SEC14L5: variants seen among roughly 807,000 people sequenced by gnomAD.
SEC14L5 encodes the protein SEC14 like lipid binding 5, also known as SEC14-like protein 5.
SEC14L5 carries 96 observed loss-of-function variants against 84.6 expected under a neutral mutation model. The observed-to-expected ratio is 1.13, with a 90% CI of 0.96 to 1.34. The LOEUF (loss-of-function observed/expected upper bound fraction) is 1.34. Ranked by LOEUF, SEC14L5 falls within the 40% of genes most tolerant of loss-of-function variation. The pLI, the probability that SEC14L5 is intolerant of heterozygous loss-of-function variation, is 0.00. For missense variants in SEC14L5, 1,224 were observed against 942.5 expected, an observed-to-expected ratio of 1.30 and a Z score of -3.91; for synonymous variants, 546 against 383.4, an observed-to-expected ratio of 1.42 and a Z score of -4.95.
At chr16:4,980,870 T>A (rs916386942) in intron 2 of SEC14L5, among the ~76,000 whole-genome samples, 7 of 152,094 alleles carry the variant, frequency 4.6e-5, no homozygotes, top group African/African-American at 1.4e-4. Context: ...AAGCCCCATG[T>A]CTCATGCCTC....
Position 4,996,340 on chromosome 16 carries a change from C to G in SEC14L5, c.668-8C>G. 6.6e-7 allele frequency: 1 copy of G among 1,518,772 alleles called. No individual in the cohort carries two copies. The highest frequency in any genetic ancestry group is 9.0e-7 in the Non-Finnish European group (1 of 1,116,718). The allele number at this position is 1,518,772 out of a possible 1,614,324, so 94.1% of individuals were successfully genotyped here. On this transcript the variant is annotated splice_polypyrimidine_tract_variant and splice_region_variant and intron_variant, in intron 6 of 15. Coordinates refer to ENST00000251170, the MANE Select transcript of SEC14L5 (RefSeq NM_014692.2). ...CTCTTGTCCTGAAGCTCCCCCTTCT[C>G]CTCCAAGGGGACAAGCTGGATGCGG...
chr16:4,959,760 C>A (rs1033646820), intron 2 of SEC14L5, among the ~76,000 whole-genome samples: 12 of 152,168 alleles, frequency 7.9e-5, no homozygotes, highest in African/African-American at 2.9e-4. Flanking sequence ...TGAATGTTTA[C>A]AGCACTGTCT....
intron 2 of SEC14L5, among the ~76,000 whole-genome samples, chr16:4,970,792 A>G (rs1483336392): frequency 2.6e-5 from 4 of 152,292 alleles, no homozygotes; most frequent in African/African-American, 9.6e-5. Context: ...AGTACATCCA[A>G]GTGTGCAGAA....
chr16:4,975,266 A>T (rs545790377), intron 2 of SEC14L5, among the ~76,000 whole-genome samples: 1 of 151,936 alleles, frequency 6.6e-6, no homozygotes, highest in South Asian at 2.1e-4. Flanking sequence ...AGGTCAGGAG[A>T]TCAAGACCAT....
chr16:4,959,855 G>A (rs1163078431), intron 2 of SEC14L5, among the ~76,000 whole-genome samples: 1 of 152,156 alleles, frequency 6.6e-6, no homozygotes, highest in African/African-American at 2.4e-5. Flanking sequence ...CAGGTGAAGG[G>A]ATGACACTAA....
chr16:4,992,413 G>A (rs562893560), intron 6 of SEC14L5, among the ~76,000 whole-genome samples: 19 of 152,166 alleles, frequency 1.2e-4, no homozygotes, highest in African/African-American at 4.3e-4. Context: ...ACCACACCCG[G>A]CCAATTTTTT....
chr16:5,011,189 A>C lies in SEC14L5; in HGVS notation c.1895A>C (p.Asp632Ala). The C allele has an allele frequency of 6.2e-7, 1 of 1,613,748 alleles. No homozygotes were observed. Among genetic ancestry groups the C allele is most frequent in the East Asian group, 2.2e-5 (1 of 44,882 alleles). ...SSVACSLPGV[D>A]DVLTALHSPG... ...GTGGCCTGCAGCCTCCCGGGTGTGGACGATGTCCTGACGGCTCTGCACAGC... is the reference window on the plus strand; with the variant it reads ...GTGGCCTGCAGCCTCCCGGGTGTGGCCGATGTCCTGACGGCTCTGCACAGC... Residue 632 changes from aspartate (D) to alanine (A), a missense_variant, in exon 15 of 16, where the codon GAC (aspartate) becomes GCC (alanine). Transcript: ENST00000251170.
At chr16:4,968,009 C>CT (rs1313299052) in intron 2 of SEC14L5, among the ~76,000 whole-genome samples, 2 of 137,116 alleles carry the variant, frequency 1.5e-5, no homozygotes, top group African/African-American at 5.4e-5. Context: ...TTCTCCCTCT[C>CT]TATTTTATTT....
In SEC14L5 at chr16:5,006,522, C is replaced by A. The variant is rs145984876; in HGVS notation, c.1437+474C>A. The stretch of plus-strand genomic sequence containing the variant: ...CCCTTCAAGGGAGGCAGTGTCCAGG[C>A]CCCTTTTATTGCCTCCCCTGGGGTG... On this transcript the variant is annotated intron_variant, in intron 12 of 15. Transcript: ENST00000251170. Among the ~76,000 whole-genome samples, 395 of 152,266 alleles carry A rather than the reference C, an allele frequency of 2.6e-3. 4 individuals are homozygous for A. The East Asian group carries it at 0.036, about 14-fold the overall frequency.
intron 14 of SEC14L5, among the ~76,000 whole-genome samples, chr16:5,009,367 G>T (rs908183300): frequency 7.2e-5 from 11 of 152,044 alleles, no homozygotes; most frequent in Admixed American, 6.6e-4. Flanking sequence ...ACTTTTGCGG[G>T]ACTGGGAATG....
At chr16:4,976,429 A>T (rs1955340510) in intron 2 of SEC14L5, among the ~76,000 whole-genome samples, 1 of 152,216 alleles carries the variant, frequency 6.6e-6, no homozygotes, top group Non-Finnish European at 1.5e-5. Context: ...AAATTCAGGG[A>T]TATCAGCGGC....
Position 5,003,526 on chromosome 16 carries a change from C to A in SEC14L5, c.1255C>A (p.Leu419Met). The change falls in exon 11 of 16, where the codon CTG (leucine) becomes ATG (methionine). Residue 419 changes from leucine (L) to methionine (M), a missense_variant. By Grantham distance (15) the Leu-to-Met change is conservative (BLOSUM62 2). Transcript: ENST00000251170. ...EDNYPETLGRLLIVRAPRVFP... is the reference protein window; with the variant it reads ...EDNYPETLGRMLIVRAPRVFP... The stretch of plus-strand genomic sequence containing the variant: ...CAATTACCCAGAGACCCTGGGTCGG[C>A]TGCTCATCGTGCGAGCCCCCCGAGT... The A allele has an allele frequency of 2.5e-6, 4 of 1,576,580 alleles. No individual in the cohort carries two copies. The highest frequency in any genetic ancestry group is 3.5e-6 in the Non-Finnish European group (4 of 1,158,082).
Position 5,000,866 on chromosome 16 carries a change from C to T in SEC14L5, c.1071C>T (p.Val357=). 6.2e-7 allele frequency: 1 copy of T among 1,606,328 alleles called. No homozygotes were observed. Among genetic ancestry groups the T allele is most frequent in the Non-Finnish European group, 8.5e-7 (1 of 1,176,514 alleles). The part of the protein sequence containing the change: ...EEALLRHVLS[V]NEEGQKRCEG... ...TCTCTCCCTTCCAGGTTCTCTCCGT[C>T]AACGAGGAAGGACAGAAGCGGTGTG... is the stretch of plus-strand genomic sequence containing the variant. The change falls in exon 10 of 16, where the codon GTC becomes GTT. Residue 357 remains valine (V), a synonymous_variant. Coordinates refer to ENST00000251170, the MANE Select transcript of SEC14L5 (RefSeq NM_014692.2).
intron 2 of SEC14L5, among the ~76,000 whole-genome samples, chr16:4,962,969 A>T (rs924714788): frequency 6.6e-6 from 1 of 152,234 alleles, no homozygotes; most frequent in African/African-American, 2.4e-5. Context: ...TTTCGCAGTT[A>T]AACACTTGCC....
chr16:5,014,922 G>T lies in SEC14L5; in HGVS notation c.2043G>T (p.Ser681=). The change falls in exon 16 of 16, where the codon TCG becomes TCT. Residue 681 remains serine, a synonymous_variant. Coordinates refer to ENST00000251170, the MANE Select transcript of SEC14L5 (RefSeq NM_014692.2). ...SGFSQLSAAT[S]SSSSGQSHSS... ...TCTCCCAGCTCAGCGCCGCCACCTC[G>T]TCCTCCTCCTCCGGCCAGTCTCATA... 6.2e-7 allele frequency: 1 copy of T among 1,612,844 alleles called. No individual in the cohort carries two copies. Among genetic ancestry groups the T allele is most frequent in the Middle Eastern group, 1.6e-4 (1 of 6,062 alleles).
chr16:4,987,680 G>T lies in SEC14L5; in HGVS notation c.187G>T (p.Val63Leu). Residue 63 changes from valine (V) to leucine (L), a missense_variant, in exon 3 of 16, where the codon GTG (valine) becomes TTG (leucine). Coordinates refer to ENST00000251170, the MANE Select transcript of SEC14L5 (RefSeq NM_014692.2). Reference protein sequence around the residue: ...HVVERSCRLRVDAPRLLRKIA... With the variant: ...HVVERSCRLRLDAPRLLRKIA... ...GGTGGAGCGGAGCTGCCGGCTGCGCGTGGACGCCCCGCGGCTGCTGCGGAA... is the reference window on the plus strand; with the variant it reads ...GGTGGAGCGGAGCTGCCGGCTGCGCTTGGACGCCCCGCGGCTGCTGCGGAA... 1 of 1,539,468 alleles carries T rather than the reference G, an allele frequency of 6.5e-7. No homozygotes were observed. The highest frequency in any genetic ancestry group is 1.4e-5 in the African/African-American group (1 of 70,898).
intron 7 of SEC14L5, 93 bp downstream of exon 7, chr16:4,996,553 C>G (rs576030654): frequency 8.8e-6 from 6 of 679,998 alleles, no homozygotes; most frequent in African/African-American, 1.8e-5. Context: ...GATGATAATG[C>G]TGACACATTA....
chr16:5,002,588 A>G (rs1417681184), intron 10 of SEC14L5, among the ~76,000 whole-genome samples: 1 of 152,206 alleles, frequency 6.6e-6, no homozygotes, highest in African/African-American at 2.4e-5. Context: ...GGCCGGAAGC[A>G]TAATTCACCC....
rs892733510 is a variant in SEC14L5 at position 4,991,787 on chromosome 16, C to A, written c.475-51C>A. 4.1e-5 allele frequency: 54 copies of A among 1,326,566 alleles called. No homozygotes were observed. In the African/African-American group the frequency reaches 6.6e-4, roughly 16 times the overall value. The allele number at this position is 1,326,566 out of a possible 1,614,324, so 82.2% of individuals were successfully genotyped here. Reference sequence around the variant, plus strand: ...GACTCCCTGTGGTGATCCTGTGACCCCCCTCCATCCTGCCCCGTGCTCATG... The same window carrying A: ...GACTCCCTGTGGTGATCCTGTGACCACCCTCCATCCTGCCCCGTGCTCATG... On this transcript the variant is annotated intron_variant, in intron 5 of 15. Transcript: ENST00000251170.
Sources: gnomAD v4.1 joint callset for allele counts (sites outside exome capture counted in the v4.1 genomes callset) on GRCh38, gnomAD v4.1.1 for gene constraint, MANE v1.5 for transcripts, NCBI Gene and HGNC (gene_info 2026-07-23, HGNC 2026-07-21) for gene names.